Variants in ATP11A observed in about 807,000 individuals in gnomAD.
ATP11A encodes phospholipid-transporting ATPase IH.
A neutral mutation model predicts 154.4 loss-of-function variants in ATP11A; 81 were observed. That is an observed-to-expected ratio of 0.52 (90% CI 0.44 to 0.63). ATP11A has a LOEUF of 0.63. Ranked by LOEUF, ATP11A falls within the 30% of genes least tolerant of loss-of-function variation. The probability of loss-of-function intolerance (pLI) is 0.00; values close to 1 mark genes in which losing one functional copy is unlikely to be tolerated. For synonymous variants in ATP11A, 623 were observed against 585.9 expected (o/e 1.06, Z -0.91); for missense variants, 1,316 against 1,474.3 (o/e 0.89, Z 1.76).
rs998474114 is a variant in ATP11A, at chr13:112,807,622, G to A, written c.333+1329G>A. Reference sequence around the variant, plus strand: ...TGCAAACTTCAACTTTAAGCAAAACGATGGGTTTTCTCATCAACTTCACAA... The same window carrying A: ...TGCAAACTTCAACTTTAAGCAAAACAATGGGTTTTCTCATCAACTTCACAA... On this transcript the variant is annotated intron_variant, in intron 4 of 29. Transcript: ENST00000375645. This position sits in a 1 kb window ranked among gnomAD's most constrained non-coding sequence, Gnocchi z 4.5. Among the ~76,000 whole-genome samples the A allele has an allele frequency of 6.6e-6, 1 of 152,134 alleles. No individual in the cohort carries two copies. The highest frequency in any genetic ancestry group is 1.5e-5 in the Non-Finnish European group (1 of 68,030).
chr13:112,725,147 A>T (rs931288826), intron 1 of ATP11A, among the ~76,000 whole-genome samples: 1 of 152,174 alleles, frequency 6.6e-6, no homozygotes, highest in Non-Finnish European at 1.5e-5. Context: ...GTTCTGAGTC[A>T]CAAGAGACAC....
chr13:112,709,018 C>T (rs979098644), intron 1 of ATP11A, among the ~76,000 whole-genome samples: 1 of 152,092 alleles, frequency 6.6e-6, no homozygotes, highest in African/African-American at 2.4e-5. Flanking sequence ...CTGTAGGGTT[C>T]CAGGCGGGAA....
At chr13:112,805,129 T>C in intron 3 of ATP11A, 83 bp downstream of exon 3, 1 of 998,804 alleles carries the variant, frequency 1.0e-6, no homozygotes, top group Non-Finnish European at 1.5e-6. Flanking sequence ...GCCACACGGC[T>C]AATGAAAGAG....
chr13:112,811,471 T>C (rs1439584589), intron 5 of ATP11A: 1 of 152,190 alleles, frequency 6.6e-6, no homozygotes. Context: ...AGAGAAAGAT[T>C]GGAAACACTG....
intron 1 of ATP11A, among the ~76,000 whole-genome samples, chr13:112,728,535 A>T (rs995237824): frequency 7.4e-6 from 1 of 135,244 alleles, no homozygotes; most frequent in Non-Finnish European, 1.5e-5. Flanking sequence ...GGGGGCCGTG[A>T]GACTGTGTGG....
chr13:112,727,538 A>C (rs1454994891), intron 1 of ATP11A, among the ~76,000 whole-genome samples: 1 of 151,906 alleles, frequency 6.6e-6, no homozygotes, highest in Non-Finnish European at 1.5e-5. Flanking sequence ...GAGCAGCAGC[A>C]GTCTCTTTCC....
At chr13:112,832,823 C>T in intron 13 of ATP11A, 37 bp from the exon 14 acceptor site, 2 of 1,599,298 alleles carry the variant, frequency 1.3e-6, no homozygotes, top group Non-Finnish European at 1.7e-6. Flanking sequence ...AGTGGACGCA[C>T]CGTGATTTGG....
intron 18 of ATP11A, among the ~76,000 whole-genome samples, chr13:112,852,010 A>G (rs900863218): frequency 6.6e-6 from 1 of 152,056 alleles, no homozygotes; most frequent in Non-Finnish European, 1.5e-5. Flanking sequence ...ATTACCAATT[A>G]CAGATTTTCA....
At chr13:112,728,328 C>T (rs527895719) in intron 1 of ATP11A, among the ~76,000 whole-genome samples, 94 of 151,124 alleles carry the variant, frequency 6.2e-4, no homozygotes, top group African/African-American at 2.0e-3. Context: ...GACTGCGGCC[C>T]GCCTCCCTGT....
At chr13:112,831,265 C>A in intron 12 of ATP11A, 110 bp from the exon 13 acceptor site, 1 of 1,200,894 alleles carries the variant, frequency 8.3e-7, no homozygotes, top group East Asian at 2.5e-5. Context: ...AATCCACCGC[C>A]TATTCAAGTC....
At chr13:112,698,810 C>T (rs1388018029) in intron 1 of ATP11A, among the ~76,000 whole-genome samples, 2 of 152,198 alleles carry the variant, frequency 1.3e-5, no homozygotes, top group Non-Finnish European at 2.9e-5. Context: ...CAACCTCTAC[C>T]TCTTGGGTTC....
At chr13:112,881,828 C>G (rs2080893418) in intron 29 of ATP11A, 48 bp from the exon 30 acceptor site, 1 of 1,367,500 alleles carries the variant, frequency 7.3e-7, no homozygotes. Context: ...TGGGTGCGCA[C>G]AGCCTCGGGA....
chr13:112,766,928 C>A lies in ATP11A; in HGVS notation c.40-18207C>A, dbSNP rs1270683553. 1.8e-3 allele frequency among the ~76,000 whole-genome samples: 11 copies of A among 6,080 alleles called. No homozygotes were observed. The African/African-American group carries it at 0.036, about 20-fold the overall frequency. 4.0% of individuals were successfully genotyped at this position (6,080 alleles called of 152,430 possible). On this transcript the variant is annotated intron_variant, in intron 1 of 29. Coordinates refer to ENST00000375645, the MANE Select transcript of ATP11A (RefSeq NM_015205.3). ...GGGAGATGTGGGGGTGTTGGGGGCC[C>A]CTGTGGGAAGGTGGGGAGGGTGTGG...
At chr13:112,811,040 A>G (rs969007780) in intron 5 of ATP11A, among the ~76,000 whole-genome samples, 8 of 149,612 alleles carry the variant, frequency 5.3e-5, no homozygotes, top group Non-Finnish European at 1.2e-4. Flanking sequence ...GTGTAGGCCC[A>G]AGCTCCCTAC....
chr13:112,803,873 C>CCCTT (rs2078220464), intron 2 of ATP11A, among the ~76,000 whole-genome samples: 1 of 96,142 alleles, frequency 1.0e-5, no homozygotes, highest in African/African-American at 4.0e-5. Context: ...CTCCTTGCTT[C>CCCTT]CCTTCCTTCC....
At chr13:112,717,085 T>C (rs997584603) in intron 1 of ATP11A, among the ~76,000 whole-genome samples, 1 of 152,268 alleles carries the variant, frequency 6.6e-6, no homozygotes, top group African/African-American at 2.4e-5. Flanking sequence ...GCTTCTGTTG[T>C]GACCTTGACC....
chr13:112,772,999 C>T (rs368789461), intron 1 of ATP11A, among the ~76,000 whole-genome samples: 2 of 152,178 alleles, frequency 1.3e-5, no homozygotes, highest in East Asian at 1.9e-4. Context: ...GCCCAAGAAC[C>T]CTGAGTGTGT....
chr13:112,811,052 T>A lies in ATP11A; in HGVS notation c.441+326T>A, dbSNP rs202202329. 1.9e-4 allele frequency among the ~76,000 whole-genome samples: 29 copies of A among 151,376 alleles called. No homozygotes were observed. In the East Asian group the frequency reaches 3.9e-3, roughly 20 times the overall value. On this transcript the variant is annotated intron_variant, in intron 5 of 29. Transcript: ENST00000375645. ...TGGGTGTAGGCCCAAGCTCCCTACT[T>A]CTTTTTTTTTTTTTTACCTTTAATT...
At chr13:112,796,400 T>C (rs1016004489) in intron 2 of ATP11A, among the ~76,000 whole-genome samples, 1 of 152,176 alleles carries the variant, frequency 6.6e-6, no homozygotes, top group African/African-American at 2.4e-5. Context: ...ACTATTCATG[T>C]GGCCAAAAGT....
Sources: allele counts gnomAD v4.1 joint callset (sites outside exome capture counted in the v4.1 genomes callset), GRCh38; gene constraint gnomAD v4.1.1; non-coding constraint Gnocchi (gnomAD v3.1); transcripts MANE v1.5; gene names NCBI Gene and HGNC (gene_info 2026-07-23, HGNC 2026-07-21).